The following SEC14L1 variants were observed in gnomAD, a reference collection of about 807,000 sequenced individuals.
SEC14L1 encodes the protein SEC14-like protein 1.
A neutral mutation model predicts 85.3 loss-of-function variants in SEC14L1; 48 were observed. The observed-to-expected ratio is 0.56, with a 90% CI of 0.45 to 0.72. The LOEUF (loss-of-function observed/expected upper bound fraction) is 0.72, where lower values mean the gene tolerates loss of function less well. Ranked by LOEUF, SEC14L1 falls within the 30% of genes least tolerant of loss-of-function variation. SEC14L1 has a pLI of 0.00. For synonymous variants in SEC14L1, 391 were observed against 355.5 expected, an observed-to-expected ratio of 1.10 and a Z score of -1.12; for missense variants, 682 against 921.4, an observed-to-expected ratio of 0.74 and a Z score of 3.36.
At chr17:77,130,847 C>T (rs1480790102) in intron 3 of SEC14L1, among the ~76,000 whole-genome samples, 1 of 151,888 alleles carries the variant, frequency 6.6e-6, no homozygotes, top group Non-Finnish European at 1.5e-5. Context: ...CTCAAGGGAT[C>T]CGCCCGCCTC....
chr17:77,207,237 G>A (rs1324751524), intron 13 of SEC14L1, among the ~76,000 whole-genome samples: 1 of 91,408 alleles, frequency 1.1e-5, no homozygotes, highest in African/African-American at 4.2e-5. Context: ...GCCCCTCCCC[G>A]TCCTTTTTTT....
At chr17:77,193,639 G>T in intron 6 of SEC14L1, 90 bp downstream of exon 6, 1 of 1,339,388 alleles carries the variant, frequency 7.5e-7, no homozygotes, top group Non-Finnish European at 1.0e-6. Context: ...GCTTAGCAAG[G>T]GATTTGCAGC....
chr17:77,163,338 G>T (rs1268737387), intron 3 of SEC14L1, among the ~76,000 whole-genome samples: 1 of 150,664 alleles, frequency 6.6e-6, no homozygotes, highest in Non-Finnish European at 1.5e-5. Context: ...GTAACTTTAA[G>T]ACCAGTGTTA....
At chr17:77,101,474 G>A (rs556102956) in intron 3 of SEC14L1, among the ~76,000 whole-genome samples, 2 of 152,242 alleles carry the variant, frequency 1.3e-5, no homozygotes, top group Admixed American at 1.3e-4. Context: ...CACTGTTCCC[G>A]GCCCCTCTTT....
chr17:77,184,338 C>T (rs1231074251), intron 3 of SEC14L1, among the ~76,000 whole-genome samples: 1 of 152,130 alleles, frequency 6.6e-6, no homozygotes, highest in South Asian at 2.1e-4. Flanking sequence ...CTTCTGAATG[C>T]CTTACGTTAG....
At chr17:77,200,461 G>A in intron 8 of SEC14L1, 23 bp from the exon 9 acceptor site, 1 of 1,604,242 alleles carries the variant, frequency 6.2e-7, no homozygotes, top group Non-Finnish European at 8.5e-7. Context: ...ACATTGCTTA[G>A]AAATGTCTTT....
intron 3 of SEC14L1, among the ~76,000 whole-genome samples, chr17:77,166,844 C>CA (rs1368769874): frequency 3.3e-5 from 5 of 151,800 alleles, no homozygotes; most frequent in Admixed American, 2.0e-4. Context: ...GTCTCAAAAA[C>CA]AAAAAACAAG....
intron 13 of SEC14L1, among the ~76,000 whole-genome samples, chr17:77,208,655 G>A (rs1350777759): frequency 1.3e-5 from 2 of 152,158 alleles, no homozygotes; most frequent in Admixed American, 6.5e-5. Context: ...TTTCCACCAC[G>A]ACATCACTGC....
chr17:77,202,507 T>C (rs1207902875), intron 9 of SEC14L1, among the ~76,000 whole-genome samples: 1 of 152,140 alleles, frequency 6.6e-6, no homozygotes, highest in Non-Finnish European at 1.5e-5. Flanking sequence ...TAGTCCCAGC[T>C]ATTCGGGAGG....
At chr17:77,155,630 T>C (rs532195223) in intron 3 of SEC14L1, among the ~76,000 whole-genome samples, 135 of 152,342 alleles carry the variant, frequency 8.9e-4, no homozygotes, top group African/African-American at 3.1e-3. Flanking sequence ...CTCACTCTTC[T>C]GCTCGTCCTT....
At position 77,213,457 on chromosome 17, in the gene SEC14L1, G is replaced by A. The variant is rs1348458067; in HGVS notation, c.2007G>A (p.Met669Ile). 2 of 1,611,940 alleles carry A rather than the reference G, an allele frequency of 1.2e-6. No individual in the cohort carries two copies. The highest frequency in any genetic ancestry group is 1.3e-5 in the African/African-American group (1 of 74,936). The change falls in exon 16 of 17, where the codon ATG becomes ATA. Residue 669 changes from methionine to isoleucine, a missense_variant. By Grantham distance (10) the Met-to-Ile change is conservative. Coordinates refer to ENST00000436233, the MANE Select transcript of SEC14L1 (RefSeq NM_001143998.2). This position sits in a 1 kb window ranked among gnomAD's most constrained non-coding sequence, Gnocchi z 7.1. ...LQVSSHKCKV[M>I]YYTEVIGSED... is the part of the protein sequence containing the mutation. ...TCTCTTCGCACAAGTGTAAAGTGATGTACTACACCGAGGTGATCGGCTCGG... is the reference window on the plus strand; with the variant it reads ...TCTCTTCGCACAAGTGTAAAGTGATATACTACACCGAGGTGATCGGCTCGG...
intron 3 of SEC14L1, among the ~76,000 whole-genome samples, chr17:77,174,118 AC>A (rs1219930109): frequency 1.3e-5 from 2 of 151,954 alleles, no homozygotes; most frequent in Non-Finnish European, 2.9e-5. Context: ...ATGGGGTTGC[AC>A]CATGTTGGCC....
chr17:77,170,003 T>C (rs1012334607), intron 3 of SEC14L1, among the ~76,000 whole-genome samples: 6 of 152,166 alleles, frequency 3.9e-5, no homozygotes, highest in Admixed American at 3.9e-4. Flanking sequence ...AGGATCGGCC[T>C]CAGTCCATGC....
chr17:77,216,383 AGTAG>A lies in SEC14L1; in HGVS notation c.*2366_*2369del, dbSNP rs1977095086. The stretch of plus-strand genomic sequence containing the variant: ...GTAGGTAGGGCTAGTAGGTAGGGCT[AGTAG>A]GTAGGGCTAGTAGGTAGGGTTCGTA... On this transcript the variant is annotated 3_prime_UTR_variant, in exon 17 of 17. Coordinates refer to ENST00000436233, the MANE Select transcript of SEC14L1 (RefSeq NM_001143998.2). 5 of 1,328,120 alleles carry A rather than the reference AGTAG, an allele frequency of 3.8e-6. 1 individual carries two copies. Among genetic ancestry groups the A allele is most frequent in the Admixed American group, 2.9e-5 (1 of 34,296 alleles). The allele number at this position is 1,328,120 out of a possible 1,614,324, so 82.3% of individuals were successfully genotyped here. A position where few individuals can be genotyped will look rare whatever the true frequency, so the allele number is the denominator to read the frequency against.
At chr17:77,088,803 C>G (rs1971433926) in exon 1 of SEC14L1, 1 of 152,142 alleles carries the variant, frequency 6.6e-6, no homozygotes, top group South Asian at 2.0e-4. Context: ...CCGCCGCCAT[C>G]GGCCCTAGCC....
intron 3 of SEC14L1, among the ~76,000 whole-genome samples, chr17:77,128,277 G>A (rs1235973852): frequency 1.3e-5 from 2 of 152,100 alleles, no homozygotes; most frequent in Non-Finnish European, 2.9e-5. Flanking sequence ...GGCAGCTGGG[G>A]GTCACCTCTT....
intron 3 of SEC14L1, among the ~76,000 whole-genome samples, chr17:77,182,870 G>A (rs1320274640): frequency 2.0e-5 from 3 of 152,210 alleles, no homozygotes; most frequent in Non-Finnish European, 2.9e-5. Flanking sequence ...TTCCAGAAAA[G>A]TCCAGGTTGC....
chr17:77,213,818 G>T lies in SEC14L1; in HGVS notation c.2043-100G>T. 7.0e-7 allele frequency: 1 copy of T among 1,424,314 alleles called. No individual in the cohort carries two copies. Among genetic ancestry groups the T allele is most frequent in the Non-Finnish European group, 9.9e-7 (1 of 1,011,944 alleles). 88.2% of individuals were successfully genotyped at this position (1,424,314 alleles called of 1,614,324 possible). ...AAGCACTGATGGGGATGAGAAGTGA[G>T]CAGAGAACAGGGTGGGCCACGAAGT... On this transcript the variant is annotated intron_variant, in intron 16 of 16. Coordinates refer to ENST00000436233, the MANE Select transcript of SEC14L1 (RefSeq NM_001143998.2). The surrounding 1 kb of genome is among the most constrained non-coding windows in gnomAD (Gnocchi z 7.1).
At chr17:77,144,458 G>A (rs1973189161) in intron 3 of SEC14L1, among the ~76,000 whole-genome samples, 1 of 152,174 alleles carries the variant, frequency 6.6e-6, no homozygotes, top group Non-Finnish European at 1.5e-5. Flanking sequence ...ACTGTTACCT[G>A]TTTCTGTTCC....
Sources: gnomAD v4.1 joint callset for allele counts (sites outside exome capture counted in the v4.1 genomes callset) on GRCh38, gnomAD v4.1.1 for gene constraint, Gnocchi (gnomAD v3.1) non-coding constraint, MANE v1.5 for transcripts, NCBI Gene and HGNC (gene_info 2026-07-23, HGNC 2026-07-21) for gene names.